MINDY2: variants seen among roughly 807,000 people sequenced by gnomAD.
MINDY2 encodes the protein ubiquitin carboxyl-terminal hydrolase MINDY-2.
Under a neutral mutation model 68.2 loss-of-function variants are expected in MINDY2, and 52 were observed. The observed-to-expected ratio is 0.76, with a 90% CI of 0.61 to 0.96. The LOEUF (loss-of-function observed/expected upper bound fraction) is 0.96, where lower values mean the gene tolerates loss of function less well. MINDY2 is among the 40% of genes least tolerant of loss of function. The probability of loss-of-function intolerance (pLI) is 0.00; values close to 1 mark genes in which losing one functional copy is unlikely to be tolerated. For missense variants in MINDY2, 881 were observed against 773.4 expected, an observed-to-expected ratio of 1.14 and a Z score of -1.65; for synonymous variants, 372 against 303.0, an observed-to-expected ratio of 1.23 and a Z score of -2.36.
intron 4 of MINDY2, among the ~76,000 whole-genome samples, chr15:58,815,002 C>T (rs1172502771): frequency 1.3e-5 from 2 of 151,938 alleles, no homozygotes; most frequent in Non-Finnish European, 2.9e-5. Context: ...TGGTGTCCTA[C>T]CTAAGAGGGC....
intron 1 of MINDY2, among the ~76,000 whole-genome samples, chr15:58,775,769 T>A (rs941392845): frequency 6.6e-6 from 1 of 152,186 alleles, no homozygotes; most frequent in Admixed American, 6.5e-5. Flanking sequence ...TTTGGTTGTG[T>A]TGAGTTGGAA....
chr15:58,854,390 C>G (rs1421587086), intron 8 of MINDY2, 92 bp from the exon 9 acceptor site: 2 of 1,403,934 alleles, frequency 1.4e-6, no homozygotes, highest in East Asian at 2.3e-5. Flanking sequence ...ATCAGTGATT[C>G]CTTCCACTGT....
intron 6 of MINDY2, among the ~76,000 whole-genome samples, chr15:58,844,906 C>A (rs2032458279): frequency 8.8e-6 from 1 of 114,058 alleles, no homozygotes; most frequent in Non-Finnish European, 1.7e-5. Context: ...CAGAGTGAGA[C>A]TGAGACCCTG....
At chr15:58,808,042 C>G (rs1328304291) in intron 3 of MINDY2, among the ~76,000 whole-genome samples, 1 of 152,040 alleles carries the variant, frequency 6.6e-6, no homozygotes. Context: ...CTCTCCCTCA[C>G]TCCCTTCCTT....
At chr15:58,779,339 A>C (rs1900986182) in intron 1 of MINDY2, among the ~76,000 whole-genome samples, 1 of 152,222 alleles carries the variant, frequency 6.6e-6, no homozygotes, top group Non-Finnish European at 1.5e-5. Context: ...GTGAGGCACC[A>C]TGAAGGTGAG....
intron 3 of MINDY2, among the ~76,000 whole-genome samples, chr15:58,804,133 G>A (rs1224422113): frequency 1.3e-5 from 2 of 151,562 alleles, no homozygotes; most frequent in Admixed American, 1.3e-4. Context: ...AGGAGGAGGA[G>A]AAGGAAAAGA....
At chr15:58,824,792 C>T (rs554261803) in intron 5 of MINDY2, among the ~76,000 whole-genome samples, 6 of 151,466 alleles carry the variant, frequency 4.0e-5, no homozygotes, top group Admixed American at 3.3e-4. Flanking sequence ...GCCTCAGCCT[C>T]CTGAGTAGCT....
chr15:58,851,633 G>T, intron 7 of MINDY2, 138 bp from the exon 8 acceptor site: 2 of 639,972 alleles, frequency 3.1e-6, no homozygotes, highest in Non-Finnish European at 5.0e-6. Flanking sequence ...TAGAGACAGG[G>T]TCTTGCTATA....
intron 4 of MINDY2, among the ~76,000 whole-genome samples, chr15:58,820,508 G>C (rs1259152581): frequency 6.6e-6 from 1 of 151,824 alleles, no homozygotes; most frequent in Non-Finnish European, 1.5e-5. Flanking sequence ...TTCCTGCTGT[G>C]ACTTTTTGAA....
chr15:58,812,299 C>T (rs1173193577), intron 4 of MINDY2, among the ~76,000 whole-genome samples: 1 of 151,736 alleles, frequency 6.6e-6, no homozygotes, highest in Non-Finnish European at 1.5e-5. Flanking sequence ...TAGTCGGGTG[C>T]AGTGGCAGGC....
intron 4 of MINDY2, among the ~76,000 whole-genome samples, chr15:58,818,632 AT>A (rs1246967377): frequency 6.7e-5 from 10 of 148,920 alleles, no homozygotes; most frequent in African/African-American, 2.0e-4. Context: ...AGAGAAATAG[AT>A]TTGATTTTTG....
At chr15:58,827,920 A>C (rs1334537552) in intron 5 of MINDY2, among the ~76,000 whole-genome samples, 1 of 151,922 alleles carries the variant, frequency 6.6e-6, no homozygotes, top group South Asian at 2.1e-4. Flanking sequence ...TGGGCTCCCT[A>C]CTGCACTCCT....
intron 2 of MINDY2, among the ~76,000 whole-genome samples, chr15:58,791,389 C>T (rs1901902428): frequency 6.6e-6 from 1 of 151,366 alleles, no homozygotes; most frequent in Non-Finnish European, 1.5e-5. Flanking sequence ...TAAAATGTAG[C>T]TCCTGTCTTG....
rs1481586219 is a variant in MINDY2 at position 58,856,469 on chromosome 15, A to G, written c.*1859A>G. 6 of 152,582 alleles carry G rather than the reference A, an allele frequency of 3.9e-5. No individual in the cohort carries two copies. The highest frequency in any genetic ancestry group is 1.9e-4 in the East Asian group (1 of 5,202). The allele number at this position is 152,582 out of a possible 1,614,324, so 9.5% of individuals were successfully genotyped here. A position where few individuals can be genotyped will look rare whatever the true frequency, so the allele number is the denominator to read the frequency against. ...TTTATGTCCTTTATATTGCATGTCT[A>G]TTTCTGTTACACAATTTGTTATTTC... is the stretch of plus-strand genomic sequence containing the variant. On this transcript the variant is annotated 3_prime_UTR_variant, in exon 9 of 9. Transcript: ENST00000559228.
At position 58,787,993 on chromosome 15, in the gene MINDY2, C is replaced by G; in HGVS notation, c.898+30C>G. On this transcript the variant is annotated intron_variant, in intron 2 of 8. Transcript: ENST00000559228. ...GTGTTGAAAAGTGGATTTTATATCT[C>G]TTTCAAAACAAAAGTTTTCAAAGCT... is the stretch of plus-strand genomic sequence containing the variant. 3 of 1,511,822 alleles carry G rather than the reference C, an allele frequency of 2.0e-6. No homozygotes were observed. In the South Asian group the frequency reaches 3.8e-5, roughly 19 times the overall value. 93.7% of individuals were successfully genotyped at this position (1,511,822 alleles called of 1,614,324 possible).
intron 5 of MINDY2, among the ~76,000 whole-genome samples, chr15:58,827,527 G>T (rs1026664965): frequency 1.7e-4 from 26 of 152,222 alleles, no homozygotes; most frequent in African/African-American, 5.8e-4. Flanking sequence ...GTAGTGGCGC[G>T]ATCTCGGCTC....
rs567151855 is a variant in MINDY2 at position 58,772,051 on chromosome 15, A to G, written c.656A>G (p.Lys219Arg). The change falls in exon 1 of 9, where the codon AAG becomes AGG. Residue 219 changes from lysine to arginine, a missense_variant. Lys to Arg is a conservative substitution (Grantham distance 26). Coordinates refer to ENST00000559228, the MANE Select transcript of MINDY2 (RefSeq NM_001040450.3). Reference sequence around the variant, plus strand: ...TTGCCCGGGGCTGTTCCTCTGTGCAAGGAGGAGGAGGGGGAGGAGACCGCT... The same window carrying G: ...TTGCCCGGGGCTGTTCCTCTGTGCAGGGAGGAGGAGGGGGAGGAGACCGCT... ...AVLPGAVPLC[K>R]EEEGEETAQV... 1 of 1,606,852 alleles carries G rather than the reference A, an allele frequency of 6.2e-7. No individual in the cohort carries two copies. Among genetic ancestry groups the G allele is most frequent in the Non-Finnish European group, 8.5e-7 (1 of 1,176,320 alleles).
intron 4 of MINDY2, among the ~76,000 whole-genome samples, chr15:58,811,745 A>C (rs896651447): frequency 1.3e-5 from 2 of 152,216 alleles, no homozygotes; most frequent in Admixed American, 1.3e-4. Context: ...ATTAGAGAGT[A>C]GGAATTCCAG....
At chr15:58,847,538 C>A in intron 7 of MINDY2, 68 bp downstream of exon 7, 1 of 1,361,804 alleles carries the variant, frequency 7.3e-7, no homozygotes. Context: ...ATTCATGTAT[C>A]CAAAATTTTT....
Sources: allele counts gnomAD v4.1 joint callset (sites outside exome capture counted in the v4.1 genomes callset), GRCh38; gene constraint gnomAD v4.1.1; transcripts MANE v1.5; gene names NCBI Gene and HGNC (gene_info 2026-07-23, HGNC 2026-07-21).